SLC24A2: variants seen among roughly 807,000 people sequenced by gnomAD.
SLC24A2 encodes the protein solute carrier family 24 member 2, also known as sodium/potassium/calcium exchanger 2.
A neutral mutation model predicts 62.0 loss-of-function variants in SLC24A2; 36 were observed. That is an observed-to-expected ratio of 0.58 (90% CI 0.44 to 0.77). The LOEUF is 0.77. SLC24A2 is among the 30% of genes least tolerant of loss of function. The pLI is 0.00. For synonymous variants in SLC24A2, 358 were observed against 294.0 expected (o/e 1.22, Z -2.23); for missense variants, 846 against 817.9 (o/e 1.03, Z -0.42).
intron 10 of SLC24A2, among the ~76,000 whole-genome samples, chr9:19,520,045 C>T (rs893515120): frequency 2.0e-5 from 3 of 152,134 alleles, no homozygotes; most frequent in East Asian, 3.8e-4. Flanking sequence ...AACATACACA[C>T]AGTGCACATG....
chr9:19,913,183 C>G, the SLC24A2 span, among the ~76,000 whole-genome samples: 1 of 152,080 alleles, frequency 6.6e-6, no homozygotes, highest in Admixed American at 6.6e-5. Context: ...TTGCTAATGA[C>G]TCCAAGATCT....
At chr9:20,279,931 A>G in the SLC24A2 span, among the ~76,000 whole-genome samples, 4 of 152,192 alleles carry the variant, frequency 2.6e-5, no homozygotes, top group African/African-American at 9.7e-5. Context: ...CAGTAAAACC[A>G]CTGAGGATCA....
chr9:20,050,748 G>A, the SLC24A2 span, among the ~76,000 whole-genome samples: 4 of 152,226 alleles, frequency 2.6e-5, no homozygotes, highest in African/African-American at 9.6e-5. Context: ...ATAATGTTGG[G>A]CCTGACTTAA....
chr9:19,691,361 G>C (rs1318475785), intron 2 of SLC24A2, among the ~76,000 whole-genome samples: 1 of 152,104 alleles, frequency 6.6e-6, no homozygotes, highest in South Asian at 2.1e-4. Flanking sequence ...ATCTCCCATG[G>C]GCAGAAAAGA....
chr9:19,583,853 G>A (rs576544757), intron 5 of SLC24A2, among the ~76,000 whole-genome samples: 1 of 152,130 alleles, frequency 6.6e-6, no homozygotes, highest in Non-Finnish European at 1.5e-5. Flanking sequence ...AGAAGGTTAG[G>A]TGAACACCAT....
intron 2 of SLC24A2, among the ~76,000 whole-genome samples, chr9:19,774,800 T>C (rs1041525059): frequency 1.3e-5 from 2 of 152,202 alleles, no homozygotes; most frequent in African/African-American, 4.8e-5. Context: ...AAGGAAGCGA[T>C]CCTCTTTAAT....
chr9:20,221,212 G>T, the SLC24A2 span, among the ~76,000 whole-genome samples: 2 of 152,032 alleles, frequency 1.3e-5, no homozygotes, highest in Non-Finnish European at 2.9e-5. Context: ...GTCAGGGTGG[G>T]GGGTGCAATT....
At chr9:19,971,314 T>C in the SLC24A2 span, among the ~76,000 whole-genome samples, 1 of 152,206 alleles carries the variant, frequency 6.6e-6, no homozygotes, top group East Asian at 1.9e-4. Flanking sequence ...TATTGTTGTG[T>C]CATTTGTGGT....
chr9:20,098,172 G>A, the SLC24A2 span, among the ~76,000 whole-genome samples: 3 of 152,150 alleles, frequency 2.0e-5, no homozygotes, highest in African/African-American at 4.8e-5. Flanking sequence ...ATAATCAAAG[G>A]AACAGATATG....
chr9:19,730,872 C>T (rs186131180), intron 2 of SLC24A2, among the ~76,000 whole-genome samples: 37 of 111,232 alleles, frequency 3.3e-4, no homozygotes, highest in African/African-American at 1.4e-3. Context: ...AATCCTATAA[C>T]TCTTAGGTTT....
At chr9:19,533,165 A>C (rs1046761804) in intron 8 of SLC24A2, among the ~76,000 whole-genome samples, 1 of 152,224 alleles carries the variant, frequency 6.6e-6, no homozygotes, top group African/African-American at 2.4e-5. Flanking sequence ...ATAAGTATAC[A>C]TGAAAAAATC....
rs574955172 is a variant in SLC24A2 at position 19,748,705 on chromosome 9, G to T, written c.930+37232C>A. On this transcript the variant is annotated intron_variant, in intron 2 of 10. Coordinates refer to ENST00000341998, the MANE Select transcript of SLC24A2 (RefSeq NM_020344.4). ...TTGTTTGTTTGTTTGTTTGTTGGTT[G>T]GTTGGTTTTAACAACACAGCTAAAG... Among the ~76,000 whole-genome samples the T allele has an allele frequency of 1.6e-3, 240 of 151,904 alleles. 1 individual carries two copies. Among genetic ancestry groups the T allele is most frequent in the African/African-American group, 5.5e-3 (229 of 41,428 alleles).
chr9:20,039,938 A>G, the SLC24A2 span, among the ~76,000 whole-genome samples: 5 of 152,148 alleles, frequency 3.3e-5, no homozygotes, highest in Non-Finnish European at 5.9e-5. Flanking sequence ...ATGGGTTCTA[A>G]ATATGTGCTA....
At chr9:19,683,495 C>T (rs1377128482) in intron 2 of SLC24A2, among the ~76,000 whole-genome samples, 2 of 151,110 alleles carry the variant, frequency 1.3e-5, no homozygotes, top group African/African-American at 4.9e-5. Flanking sequence ...AGGTGATCTT[C>T]ATTTCACATT....
intron 2 of SLC24A2, among the ~76,000 whole-genome samples, chr9:19,681,154 A>T (rs1044877295): frequency 6.6e-6 from 1 of 151,948 alleles, no homozygotes; most frequent in Non-Finnish European, 1.5e-5. Flanking sequence ...CCTGCTTCCA[A>T]TCTTACCTCT....
chr9:20,134,052 C>A, the SLC24A2 span, among the ~76,000 whole-genome samples: 1 of 151,938 alleles, frequency 6.6e-6, no homozygotes, highest in Non-Finnish European at 1.5e-5. Context: ...GGGAACTAAC[C>A]CAACGATGTA....
the SLC24A2 span, among the ~76,000 whole-genome samples, chr9:20,038,131 C>CA: frequency 6.6e-6 from 1 of 152,062 alleles, no homozygotes; most frequent in Non-Finnish European, 1.5e-5. Context: ...TTGAATCTCC[C>CA]AAAAATATTC....
the SLC24A2 span, among the ~76,000 whole-genome samples, chr9:20,188,963 C>G: frequency 1.3e-5 from 2 of 152,052 alleles, no homozygotes; most frequent in South Asian, 2.1e-4. Context: ...CTGAGTTATT[C>G]ATATTAATGT....
the SLC24A2 span, chr9:19,929,809 T>C: frequency 2.6e-5 from 4 of 152,178 alleles, no homozygotes; most frequent in African/African-American, 9.7e-5. Context: ...GTGGGACAGA[T>C]GTAGAGGTGG....
Sources: allele counts gnomAD v4.1 joint callset (sites outside exome capture counted in the v4.1 genomes callset), GRCh38; gene constraint gnomAD v4.1.1; transcripts MANE v1.5; gene names NCBI Gene and HGNC (gene_info 2026-07-23, HGNC 2026-07-21).